GABRG3: variants seen among roughly 807,000 people sequenced by gnomAD.
The protein encoded by GABRG3 is gamma-aminobutyric acid type A receptor subunit gamma3.
In GABRG3, 25 loss-of-function variants were observed where a neutral mutation model predicts 48.8. The ratio of observed to expected loss-of-function variants is 0.51; its 90% CI spans 0.37 to 0.72. The LOEUF is 0.72. Ranked by LOEUF, GABRG3 falls within the 30% of genes least tolerant of loss-of-function variation. The pLI is 0.00. For synonymous variants in GABRG3, 227 were observed against 217.6 expected (o/e 1.04, Z -0.38); for missense variants, 394 against 577.9 (o/e 0.68, Z 3.26).
chr15:27,131,617 C>G (rs1177595449), intron 3 of GABRG3, among the ~76,000 whole-genome samples: 2 of 151,936 alleles, frequency 1.3e-5, no homozygotes, highest in Non-Finnish European at 2.9e-5. Flanking sequence ...GGTATTAATT[C>G]TTCTTTAATT....
chr15:27,477,995 A>G (rs1889995486), intron 5 of GABRG3, among the ~76,000 whole-genome samples: 1 of 151,684 alleles, frequency 6.6e-6, no homozygotes, highest in Non-Finnish European at 1.5e-5. Context: ...CAGTGAGCTG[A>G]GATCGCACCA....
chr15:27,486,920 A>T (rs915199200), intron 6 of GABRG3, among the ~76,000 whole-genome samples: 1 of 152,230 alleles, frequency 6.6e-6, no homozygotes, highest in Non-Finnish European at 1.5e-5. Flanking sequence ...ACAGGATGCT[A>T]TAGTGAGATT....
chr15:27,502,488 A>G (rs1890664425), intron 6 of GABRG3, among the ~76,000 whole-genome samples: 1 of 152,172 alleles, frequency 6.6e-6, no homozygotes, highest in African/African-American at 2.4e-5. Flanking sequence ...TTTTTTCCCC[A>G]GATCTGAAGT....
chr15:27,300,825 G>A (rs969335821), intron 3 of GABRG3, among the ~76,000 whole-genome samples: 7 of 151,346 alleles, frequency 4.6e-5, no homozygotes, highest in Admixed American at 2.0e-4. Context: ...GGATATGCTG[G>A]GCACGGTGGC....
intron 3 of GABRG3, among the ~76,000 whole-genome samples, chr15:27,122,688 G>T (rs1333118616): frequency 1.3e-5 from 2 of 152,218 alleles, no homozygotes; most frequent in African/African-American, 4.8e-5. Flanking sequence ...AGGCTGGGCT[G>T]GCTCCATGGC....
intron 3 of GABRG3, among the ~76,000 whole-genome samples, chr15:27,231,009 A>ATG (rs3068361): frequency 0.2 from 28,195 of 143,318 alleles, 2,747 homozygotes; most frequent in Non-Finnish European, 0.24. Context: ...AAACAGTAAA[A>ATG]TGTGTGTGTG....
At chr15:27,203,290 C>T (rs987536608) in intron 3 of GABRG3, among the ~76,000 whole-genome samples, 3 of 152,240 alleles carry the variant, frequency 2.0e-5, no homozygotes, top group South Asian at 4.1e-4. Context: ...AGTGATAACA[C>T]GCAGTATTTA....
At chr15:27,003,285 G>C (rs868802084) in intron 2 of GABRG3, among the ~76,000 whole-genome samples, 1 of 148,842 alleles carries the variant, frequency 6.7e-6, no homozygotes, top group Non-Finnish European at 1.5e-5. Context: ...GATTTGGCAG[G>C]GTCATAGGAC....
rs545660081 is a variant in GABRG3, at chr15:26,976,943, G to C, written c.54-59G>C. 2 of 1,590,790 alleles carry C rather than the reference G, an allele frequency of 1.3e-6. No homozygotes were observed. Among genetic ancestry groups the C allele is most frequent in the South Asian group, 2.2e-5 (2 of 89,920 alleles). Reference sequence around the variant, plus strand: ...ATGGTACTTGGATAGGACAAACTTAGGCTCTTCCTAGAGCCATTGCTGCCA... The same window carrying C: ...ATGGTACTTGGATAGGACAAACTTACGCTCTTCCTAGAGCCATTGCTGCCA... On this transcript the variant is annotated intron_variant, in intron 1 of 9. Transcript: ENST00000615808. The surrounding 1 kb of genome is among the most constrained non-coding windows in gnomAD (Gnocchi z 7.8).
intron 3 of GABRG3, among the ~76,000 whole-genome samples, chr15:27,198,097 T>G (rs538158139): frequency 6.6e-6 from 1 of 152,254 alleles, no homozygotes; most frequent in Non-Finnish European, 1.5e-5. Context: ...GGGCAAAGAC[T>G]TCATGACTAA....
At chr15:27,050,166 A>G (rs942038655) in intron 3 of GABRG3, among the ~76,000 whole-genome samples, 1 of 152,242 alleles carries the variant, frequency 6.6e-6, no homozygotes, top group Non-Finnish European at 1.5e-5. Flanking sequence ...TATATTGGGC[A>G]TGGACTGAGA....
chr15:27,190,026 A>G (rs1222216993), intron 3 of GABRG3, among the ~76,000 whole-genome samples: 1 of 152,176 alleles, frequency 6.6e-6, no homozygotes, highest in Non-Finnish European at 1.5e-5. Context: ...GCTGGATTAC[A>G]TTTATAGATT....
chr15:27,492,284 G>A (rs1043276277), intron 6 of GABRG3, among the ~76,000 whole-genome samples: 12 of 152,304 alleles, frequency 7.9e-5, no homozygotes, highest in African/African-American at 2.9e-4. Flanking sequence ...CATTCCAACT[G>A]CTCTTTATTT....
intron 5 of GABRG3, among the ~76,000 whole-genome samples, chr15:27,452,583 A>G (rs1889142917): frequency 6.6e-6 from 1 of 152,208 alleles, no homozygotes; most frequent in Non-Finnish European, 1.5e-5. Flanking sequence ...AATAAGCTAG[A>G]GAAAAGAAAA....
chr15:27,259,811 G>C (rs940430281), intron 3 of GABRG3, among the ~76,000 whole-genome samples: 3 of 152,182 alleles, frequency 2.0e-5, no homozygotes, highest in Non-Finnish European at 4.4e-5. Context: ...TGGAAGGCAG[G>C]TGGAGTAGGG....
rs74711996 is a variant in GABRG3 at position 27,340,769 on chromosome 15, C to T, written c.574+11881C>T. ...TTTCTATTTTTCATGCAATGTAATC[C>T]GAAAGTGCTGTCTTACTGATGGGGC... On this transcript the variant is annotated intron_variant, in intron 5 of 9. Transcript: ENST00000615808. 4.3e-3 allele frequency: 729 copies of T among 168,546 alleles called. 8 individuals are homozygous for T. The highest frequency in any genetic ancestry group is 0.015 in the African/African-American group (625 of 41,978). The allele number at this position is 168,546 out of a possible 1,614,324, so 10.4% of individuals were successfully genotyped here.
intron 6 of GABRG3, among the ~76,000 whole-genome samples, chr15:27,498,831 A>G (rs1267317543): frequency 6.6e-6 from 1 of 152,082 alleles, no homozygotes; most frequent in South Asian, 2.1e-4. Flanking sequence ...TTTGACTCCA[A>G]CTTCCTGGAA....
intron 5 of GABRG3, among the ~76,000 whole-genome samples, chr15:27,415,008 T>G (rs553000490): frequency 3.3e-5 from 5 of 152,328 alleles, no homozygotes; most frequent in African/African-American, 1.2e-4. Flanking sequence ...TCCTCTGAGC[T>G]TCCTGGATCT....
intron 3 of GABRG3, chr15:27,208,570 G>A: frequency 5.5e-6 from 1 of 181,906 alleles, no homozygotes; most frequent in Non-Finnish European, 1.1e-5. Flanking sequence ...GGAGGCTGTA[G>A]CAGCCACTGC....
Sources: allele counts gnomAD v4.1 joint callset (sites outside exome capture counted in the v4.1 genomes callset), GRCh38; gene constraint gnomAD v4.1.1; non-coding constraint Gnocchi (gnomAD v3.1); transcripts MANE v1.5; gene names NCBI Gene and HGNC (gene_info 2026-07-23, HGNC 2026-07-21).